Variants in NKAIN2 observed in about 807,000 individuals in gnomAD.
The protein encoded by NKAIN2 is sodium/potassium transporting ATPase interacting 2, also known as sodium/potassium-transporting ATPase subunit beta-1-interacting protein 2.
Under a neutral mutation model 32.6 loss-of-function variants are expected in NKAIN2, and 14 were observed. That is an observed-to-expected ratio of 0.43 (90% confidence interval 0.28 to 0.67). NKAIN2 has a LOEUF of 0.67. NKAIN2 is among the 30% of genes least tolerant of loss of function. NKAIN2 has a pLI of 0.17. For synonymous variants in NKAIN2, 80 were observed against 87.2 expected (o/e 0.92, Z 0.46); for missense variants, 198 against 258.3 (o/e 0.77, Z 1.60).
At chr6:124,257,352 A>C (rs1347215150) in intron 1 of NKAIN2, among the ~76,000 whole-genome samples, 1 of 152,198 alleles carries the variant, frequency 6.6e-6, no homozygotes, top group Non-Finnish European at 1.5e-5. Flanking sequence ...GATTTGCTTC[A>C]GGGATCAGGT....
At chr6:124,452,768 C>T (rs571621146) in intron 3 of NKAIN2, among the ~76,000 whole-genome samples, 1 of 152,186 alleles carries the variant, frequency 6.6e-6, no homozygotes, top group Non-Finnish European at 1.5e-5. Flanking sequence ...AAGAACAGGA[C>T]TTGTTAGCCA....
intron 3 of NKAIN2, among the ~76,000 whole-genome samples, chr6:124,511,000 A>T (rs993399819): frequency 2.0e-5 from 3 of 152,178 alleles, no homozygotes; most frequent in African/African-American, 7.2e-5. Flanking sequence ...TTATTGGAAG[A>T]CCTGGAAGCA....
intron 3 of NKAIN2, among the ~76,000 whole-genome samples, chr6:124,509,461 C>T (rs1444513291): frequency 2.6e-5 from 4 of 152,144 alleles, no homozygotes; most frequent in Non-Finnish European, 5.9e-5. Context: ...TATTATAGGT[C>T]ATCGTTGGGC....
At chr6:124,176,818 G>T (rs534358138) in intron 1 of NKAIN2, among the ~76,000 whole-genome samples, 7 of 152,060 alleles carry the variant, frequency 4.6e-5, no homozygotes, top group African/African-American at 1.7e-4. Context: ...TATGTTTCTT[G>T]TGTGTATTCT....
rs558004804 is a variant in NKAIN2 at position 124,113,169 on chromosome 6, A to G, written c.55-169836A>G. ...GACTTGACTTGTACAGAAGGCTCCC[A>G]CCAATCAACCTACCCAGGGATTCTG... On this transcript the variant is annotated intron_variant, in intron 1 of 6. Coordinates refer to ENST00000368417, the MANE Select transcript of NKAIN2 (RefSeq NM_001040214.3). 1.1e-4 allele frequency among the ~76,000 whole-genome samples: 17 copies of G among 152,168 alleles called. No individual in the cohort carries two copies. In the South Asian group the frequency reaches 3.5e-3, roughly 32 times the overall value.
intron 1 of NKAIN2, among the ~76,000 whole-genome samples, chr6:123,845,784 A>G (rs1490461346): frequency 6.6e-6 from 1 of 152,212 alleles, no homozygotes; most frequent in African/African-American, 2.4e-5. Flanking sequence ...TATACCTTAT[A>G]TTTCTGATAG....
chr6:123,925,709 G>A (rs1775976345), intron 1 of NKAIN2, among the ~76,000 whole-genome samples: 1 of 152,106 alleles, frequency 6.6e-6, no homozygotes, highest in African/African-American at 2.4e-5. Context: ...GGACTTTTTG[G>A]TGAACTTCAT....
At chr6:124,437,195 A>G (rs1200048251) in intron 3 of NKAIN2, among the ~76,000 whole-genome samples, 1 of 152,204 alleles carries the variant, frequency 6.6e-6, no homozygotes, top group Non-Finnish European at 1.5e-5. Context: ...ATCATACTGT[A>G]TAACTAATGT....
At chr6:124,504,599 C>T (rs1778407372) in intron 3 of NKAIN2, among the ~76,000 whole-genome samples, 1 of 152,112 alleles carries the variant, frequency 6.6e-6, no homozygotes, top group Non-Finnish European at 1.5e-5. Flanking sequence ...TGAGCACAAG[C>T]TAGTCATTTT....
intron 3 of NKAIN2, among the ~76,000 whole-genome samples, chr6:124,500,630 C>T (rs1056890100): frequency 1.3e-5 from 2 of 151,224 alleles, no homozygotes; most frequent in Non-Finnish European, 2.9e-5. Context: ...CTCCAGCCTG[C>T]GTGACAGAGC....
intron 3 of NKAIN2, among the ~76,000 whole-genome samples, chr6:124,559,810 T>C (rs1021520262): frequency 4.8e-5 from 7 of 145,746 alleles, no homozygotes; most frequent in Non-Finnish European, 1.0e-4. Context: ...ATGATAGATG[T>C]GGAAGGCGAG....
In NKAIN2 at chr6:123,894,284, G is replaced by A. The variant is rs970211664; in HGVS notation, c.54+90030G>A. Among the ~76,000 whole-genome samples, 11 of 152,130 alleles carry A rather than the reference G, an allele frequency of 7.2e-5. 1 individual carries two copies. Among genetic ancestry groups the A allele is most frequent in the Non-Finnish European group, 1.0e-4 (7 of 68,040 alleles). On this transcript the variant is annotated intron_variant, in intron 1 of 6. Transcript: ENST00000368417. ...TCACTGTGGGTCAGCGAGTGCCACT[G>A]TTTGATAGCTGTCATTGTTGGAAAT... is the stretch of plus-strand genomic sequence containing the variant.
rs192008845 is a variant in NKAIN2 at position 124,786,380 on chromosome 6, C to T, written c.475-4959C>T. On this transcript the variant is annotated intron_variant, in intron 4 of 6. Coordinates refer to ENST00000368417, the MANE Select transcript of NKAIN2 (RefSeq NM_001040214.3). ...CCCATTGCTCCAACTTCCCAGAAAC[C>T]GAAATCCAGAATGTAATAGATTAAA... Among the ~76,000 whole-genome samples, 4 of 152,076 alleles carry T rather than the reference C, an allele frequency of 2.6e-5. 1 individual carries two copies. The highest frequency in any genetic ancestry group is 3.9e-4 in the East Asian group (2 of 5,182).
At chr6:123,921,050 T>C (rs761310942) in intron 1 of NKAIN2, among the ~76,000 whole-genome samples, 1 of 152,190 alleles carries the variant, frequency 6.6e-6, no homozygotes, top group Non-Finnish European at 1.5e-5. Flanking sequence ...GTTGTAATAG[T>C]ATTTTCTCAC....
At chr6:123,998,184 C>T (rs1480538145) in intron 1 of NKAIN2, among the ~76,000 whole-genome samples, 1 of 152,052 alleles carries the variant, frequency 6.6e-6, no homozygotes, top group Non-Finnish European at 1.5e-5. Context: ...ATATATAACT[C>T]AGAAAGCTTT....
intron 6 of NKAIN2, among the ~76,000 whole-genome samples, chr6:124,819,461 T>G (rs1031645738): frequency 6.6e-6 from 1 of 152,200 alleles, no homozygotes; most frequent in African/African-American, 2.4e-5. Context: ...AAACAGACTT[T>G]AGCAGTTCAG....
intron 2 of NKAIN2, among the ~76,000 whole-genome samples, chr6:124,323,553 T>G (rs1053897021): frequency 1.3e-5 from 2 of 152,128 alleles, no homozygotes; most frequent in Non-Finnish European, 2.9e-5. Context: ...AAGACTACTC[T>G]TTCCCCCCAC....
chr6:124,029,952 T>C (rs1407403237), intron 1 of NKAIN2, among the ~76,000 whole-genome samples: 3 of 152,068 alleles, frequency 2.0e-5, no homozygotes, highest in Non-Finnish European at 4.4e-5. Flanking sequence ...CCAGGTGCAG[T>C]GGTTCACACC....
intron 1 of NKAIN2, among the ~76,000 whole-genome samples, chr6:124,219,246 C>T (rs188241632): frequency 6.6e-6 from 1 of 151,282 alleles, no homozygotes; most frequent in East Asian, 2.0e-4. Context: ...ATTGAGCAAA[C>T]ACTTATTTTT....
Sources: gnomAD v4.1 joint callset for allele counts (sites outside exome capture counted in the v4.1 genomes callset) on GRCh38, gnomAD v4.1.1 for gene constraint, MANE v1.5 for transcripts, NCBI Gene and HGNC (gene_info 2026-07-23, HGNC 2026-07-21) for gene names.